Variants in NNT observed in about 807,000 individuals in gnomAD.
The protein encoded by NNT is nicotinamide nucleotide transhydrogenase.
NNT carries 50 observed loss-of-function variants against 104.8 expected under a neutral mutation model. The ratio of observed to expected loss-of-function variants is 0.48; its 90% confidence interval spans 0.38 to 0.60. The LOEUF is 0.60. Ranked by LOEUF, NNT falls within the 20% of genes least tolerant of loss-of-function variation. NNT has a pLI of 0.00. For synonymous variants in NNT, 461 were observed against 490.4 expected (o/e 0.94, Z 0.79); for missense variants, 1,131 against 1,330.7 (o/e 0.85, Z 2.33).
At chr5:43,613,194 C>G (rs1346320690) in intron 3 of NNT, 57 bp downstream of exon 3, 2 of 1,364,544 alleles carry the variant, frequency 1.5e-6, no homozygotes, top group African/African-American at 2.9e-5. Context: ...GAAATCTTTT[C>G]ATAGAAAAAT....
chr5:43,696,435 T>C (rs1368292587), intron 19 of NNT, among the ~76,000 whole-genome samples: 1 of 152,192 alleles, frequency 6.6e-6, no homozygotes, highest in African/African-American at 2.4e-5. Flanking sequence ...GCTGCTTTCA[T>C]GGAATGGCAT....
At chr5:43,630,127 T>C (rs368080220) in intron 7 of NNT, among the ~76,000 whole-genome samples, 17 of 152,190 alleles carry the variant, frequency 1.1e-4, no homozygotes, top group African/African-American at 4.1e-4. Context: ...AAGTGTTTGA[T>C]CCATTTTTGA....
chr5:43,688,162 G>A (rs909772164), intron 19 of NNT, among the ~76,000 whole-genome samples: 4 of 152,102 alleles, frequency 2.6e-5, no homozygotes, highest in Non-Finnish European at 5.9e-5. Context: ...ATGGCAAAAG[G>A]GACTTTGTAG....
intron 13 of NNT, among the ~76,000 whole-genome samples, chr5:43,652,369 T>C (rs1739812933): frequency 6.6e-6 from 1 of 152,216 alleles, no homozygotes. Context: ...TAATGTTGTA[T>C]AGAAAAACAG....
At chr5:43,656,129 A>T (rs1053059816) in intron 15 of NNT, 56 bp downstream of exon 15, 1 of 1,426,048 alleles carries the variant, frequency 7.0e-7, no homozygotes, top group Admixed American at 1.7e-5. Context: ...GCATTTAGGG[A>T]TCCATTTTAA....
At chr5:43,647,266 TA>T (rs1260043863) in intron 10 of NNT, among the ~76,000 whole-genome samples, 3 of 152,136 alleles carry the variant, frequency 2.0e-5, no homozygotes, top group Non-Finnish European at 4.4e-5. Flanking sequence ...ACTTATTTGT[TA>T]AAAAAACAAA....
intron 7 of NNT, among the ~76,000 whole-genome samples, chr5:43,628,718 C>G (rs1264363131): frequency 2.6e-5 from 4 of 152,210 alleles, no homozygotes; most frequent in South Asian, 4.1e-4. Context: ...TCCCAAGTAA[C>G]TGGGATTACA....
intron 19 of NNT, among the ~76,000 whole-genome samples, chr5:43,681,085 C>G (rs1741684529): frequency 6.6e-6 from 1 of 151,494 alleles, no homozygotes; most frequent in South Asian, 2.1e-4. Context: ...ATGGTGAAAC[C>G]CCGTCTCTAC....
At position 43,704,512 on chromosome 5, in the gene NNT, G is replaced by A; in HGVS notation, c.*108G>A. On this transcript the variant is annotated 3_prime_UTR_variant, in exon 22 of 22. Coordinates refer to ENST00000344920, the MANE Select transcript of NNT (RefSeq NM_182977.3). ...ATGTACATCTGTAGCAAAGCTCTTG[G>A]AGAAAATGAAGACTGAAGAAAGCAA... 1 of 1,199,992 alleles carries A rather than the reference G, an allele frequency of 8.3e-7. No homozygotes were observed. The highest frequency in any genetic ancestry group is 1.5e-5 in the South Asian group (1 of 65,186). The allele number at this position is 1,199,992 out of a possible 1,614,324, so 74.3% of individuals were successfully genotyped here.
chr5:43,606,253 G>A (rs375196601), intron 1 of NNT, among the ~76,000 whole-genome samples: 13 of 152,304 alleles, frequency 8.5e-5, no homozygotes, highest in African/African-American at 3.1e-4. Flanking sequence ...AGAAACTTGG[G>A]TAAGTGGGGA....
Position 43,615,851 on chromosome 5 carries a change from C to A in NNT, c.385C>A (p.Arg129=). The stretch of plus-strand genomic sequence containing the variant: ...TGTGACTTGATTTTTTCCCCAGGTG[C>A]GAGCCCCTATGGTTAATCCAACATT... ...VLASDLVVKV[R]APMVNPTLGV... Residue 129 remains arginine (R), a synonymous_variant, in exon 4 of 22, where the codon CGA becomes AGA. Coordinates refer to ENST00000344920, the MANE Select transcript of NNT (RefSeq NM_182977.3). 6.2e-7 allele frequency: 1 copy of A among 1,603,662 alleles called. No individual in the cohort carries two copies. The highest frequency in any genetic ancestry group is 8.5e-7 in the Non-Finnish European group (1 of 1,175,296).
chr5:43,689,302 T>C (rs1164139725), intron 19 of NNT, among the ~76,000 whole-genome samples: 4 of 152,226 alleles, frequency 2.6e-5, no homozygotes, highest in African/African-American at 9.6e-5. Context: ...GTCAGATGTA[T>C]AGATTTTGAA....
intron 3 of NNT, among the ~76,000 whole-genome samples, chr5:43,614,000 T>C (rs1749645453): frequency 6.6e-6 from 1 of 152,208 alleles, no homozygotes; most frequent in African/African-American, 2.4e-5. Context: ...AAGTTAATAG[T>C]AAAATTTGTG....
At chr5:43,642,709 T>G (rs1467566602) in intron 7 of NNT, among the ~76,000 whole-genome samples, 1 of 152,168 alleles carries the variant, frequency 6.6e-6, no homozygotes, top group Non-Finnish European at 1.5e-5. Flanking sequence ...CCAGGAGCCT[T>G]AGGATTTGGA....
intron 10 of NNT, among the ~76,000 whole-genome samples, chr5:43,646,501 G>A (rs1005295175): frequency 1.3e-5 from 2 of 148,624 alleles, no homozygotes; most frequent in Admixed American, 1.3e-4. Flanking sequence ...GCTTCACCGT[G>A]TTGCCCAGGC....
intron 17 of NNT, among the ~76,000 whole-genome samples, chr5:43,661,421 T>A (rs924009573): frequency 1.4e-5 from 2 of 144,636 alleles, no homozygotes; most frequent in African/African-American, 5.0e-5. Flanking sequence ...TTATTTATTT[T>A]TATTATACTT....
intron 19 of NNT, among the ~76,000 whole-genome samples, chr5:43,691,802 G>T (rs1355142606): frequency 6.6e-6 from 1 of 152,074 alleles, no homozygotes; most frequent in African/African-American, 2.4e-5. Flanking sequence ...ATAATCACAC[G>T]CTAGGGCTCT....
rs1452872956 is a variant in NNT, at chr5:43,705,401, A to C, written c.*997A>C. ...AAATCAGTGTGTGTTTTGAGGTCTT[A>C]TGTAATTGATGACATTTGAGAGAAA... On this transcript the variant is annotated 3_prime_UTR_variant, in exon 22 of 22. Coordinates refer to ENST00000344920, the MANE Select transcript of NNT (RefSeq NM_182977.3). 6.6e-6 allele frequency: 1 copy of C among 152,056 alleles called. No homozygotes were observed. The highest frequency in any genetic ancestry group is 1.5e-5 in the Non-Finnish European group (1 of 67,968). 9.4% of individuals were successfully genotyped at this position (152,056 alleles called of 1,614,324 possible).
In NNT at chr5:43,707,194, A is replaced by T. The variant is rs576750568; in HGVS notation, c.*2790A>T. 6.6e-6 allele frequency: 1 copy of T among 151,982 alleles called. No individual in the cohort carries two copies. The highest frequency in any genetic ancestry group is 1.5e-5 in the Non-Finnish European group (1 of 67,974). The allele number at this position is 151,982 out of a possible 1,614,324, so 9.4% of individuals were successfully genotyped here. On this transcript the variant is annotated 3_prime_UTR_variant, in exon 22 of 22. Transcript: ENST00000344920. ...AATAAATGTGATCTTTCCCATTAAA[A>T]AAATAAAGAAATTTTGGGGTAAAAA...
Sources: gnomAD v4.1 joint callset for allele counts (sites outside exome capture counted in the v4.1 genomes callset) on GRCh38, gnomAD v4.1.1 for gene constraint, MANE v1.5 for transcripts, NCBI Gene and HGNC (gene_info 2026-07-23, HGNC 2026-07-21) for gene names.